RBM33: variants seen among roughly 807,000 people sequenced by gnomAD.
The protein encoded by RBM33 is RNA-binding protein 33.
A neutral mutation model predicts 132.6 loss-of-function variants in RBM33; 28 were observed. The ratio of observed to expected loss-of-function variants is 0.21; its 90% CI spans 0.16 to 0.29. RBM33 has a LOEUF of 0.29. Among genes scored for constraint, RBM33 ranks in the 10% least tolerant of loss-of-function variants. The probability of loss-of-function intolerance (pLI) is 1.00; values close to 1 mark genes in which losing one functional copy is unlikely to be tolerated. For missense variants in RBM33, 1,291 were observed against 1,518.5 expected (o/e 0.85, Z 2.49); for synonymous variants, 634 against 593.0 (o/e 1.07, Z -1.01).
intron 14 of RBM33, among the ~76,000 whole-genome samples, chr7:155,756,056 C>A (rs1045055248): frequency 6.6e-6 from 1 of 152,136 alleles, no homozygotes; most frequent in Admixed American, 6.5e-5. Context: ...CTGTCTGAAC[C>A]TAGTGTTGTT....
intron 2 of RBM33, among the ~76,000 whole-genome samples, 168 bp downstream of exon 2, chr7:155,665,421 G>A (rs1798775424): frequency 6.6e-6 from 1 of 152,212 alleles, no homozygotes; most frequent in South Asian, 2.1e-4. Flanking sequence ...GCAGAAGGCT[G>A]AGGTGTGCTC....
At chr7:155,717,770 C>T (rs2362378) in intron 8 of RBM33, among the ~76,000 whole-genome samples, 42,366 of 152,064 alleles carry the variant, frequency 0.28, 6,953 homozygotes, top group African/African-American at 0.46. Context: ...TTATGAGATA[C>T]CTTTTTAAAA....
At chr7:155,704,004 G>A (rs1800041192) in intron 6 of RBM33, among the ~76,000 whole-genome samples, 1 of 152,200 alleles carries the variant, frequency 6.6e-6, no homozygotes, top group East Asian at 1.9e-4. Flanking sequence ...TTCTTTAAGA[G>A]GGAGAATCAA....
intron 2 of RBM33, among the ~76,000 whole-genome samples, chr7:155,669,152 C>T (rs1364564144): frequency 6.6e-6 from 1 of 152,064 alleles, no homozygotes; most frequent in African/African-American, 2.4e-5. Flanking sequence ...TGCTGCATGA[C>T]ACAGAGAGAG....
At chr7:155,725,147 C>T (rs954966905) in intron 9 of RBM33, among the ~76,000 whole-genome samples, 44 of 149,308 alleles carry the variant, frequency 2.9e-4, no homozygotes, top group African/African-American at 8.9e-4. Flanking sequence ...TTTCAGTTGA[C>T]GTAGCTGCTG....
At chr7:155,758,979 A>G (rs1226867809) in intron 14 of RBM33, among the ~76,000 whole-genome samples, 1 of 152,182 alleles carries the variant, frequency 6.6e-6, no homozygotes, top group Non-Finnish European at 1.5e-5. Flanking sequence ...AGGAAGGCCC[A>G]CCCGGCCCCA....
intron 1 of RBM33, among the ~76,000 whole-genome samples, chr7:155,657,346 G>T (rs1351382143): frequency 6.6e-6 from 1 of 152,122 alleles, no homozygotes; most frequent in Non-Finnish European, 1.5e-5. Flanking sequence ...CTGTCCATCA[G>T]AATTAGTGGG....
intron 3 of RBM33, among the ~76,000 whole-genome samples, chr7:155,673,771 CACACA>C (rs1799067989): frequency 1.4e-5 from 2 of 141,662 alleles, no homozygotes; most frequent in African/African-American, 5.5e-5. Context: ...CATGCGCGCA[CACACA>C]CACACACACA....
chr7:155,682,241 A>AT (rs1359359264), intron 5 of RBM33, among the ~76,000 whole-genome samples: 2 of 151,756 alleles, frequency 1.3e-5, no homozygotes, highest in African/African-American at 2.4e-5. Context: ...TTAAGATTTA[A>AT]TTTTTTTTGG....
At chr7:155,646,663 G>GT (rs1563125050) in intron 1 of RBM33, among the ~76,000 whole-genome samples, 1 of 152,230 alleles carries the variant, frequency 6.6e-6, no homozygotes, top group Non-Finnish European at 1.5e-5. Flanking sequence ...AGAATTCATT[G>GT]TATCTGAGGA....
Position 155,644,788 on chromosome 7 carries a change from T to C in RBM33, c.-89T>C. The C allele has an allele frequency of 8.5e-7, 1 of 1,170,200 alleles. No homozygotes were observed. The highest frequency in any genetic ancestry group is 1.1e-6 in the Non-Finnish European group (1 of 875,782). The allele number at this position is 1,170,200 out of a possible 1,614,324, so 72.5% of individuals were successfully genotyped here. ...CTGCAGCCCCCTCCCTTCTCTGTCC[T>C]CCGTCACCCGTACCCGGGCCCGGAC... On this transcript the variant is annotated 5_prime_UTR_variant, in exon 1 of 18. Transcript: ENST00000401878.
At chr7:155,735,379 G>A (rs1170436180) in intron 9 of RBM33, among the ~76,000 whole-genome samples, 4 of 152,178 alleles carry the variant, frequency 2.6e-5, no homozygotes, top group Admixed American at 2.6e-4. Flanking sequence ...AATTTTTCTA[G>A]CATATTATTA....
intron 9 of RBM33, among the ~76,000 whole-genome samples, chr7:155,735,935 A>G (rs1167365701): frequency 6.6e-6 from 1 of 152,176 alleles, no homozygotes; most frequent in Non-Finnish European, 1.5e-5. Flanking sequence ...ATGTCAGGCA[A>G]TAGTATGCTG....
intron 9 of RBM33, among the ~76,000 whole-genome samples, chr7:155,734,334 C>G (rs1467371023): frequency 6.6e-6 from 1 of 152,200 alleles, no homozygotes; most frequent in African/African-American, 2.4e-5. Flanking sequence ...CAAACTCTTA[C>G]CTAGGTGGTT....
In RBM33 at chr7:155,676,893, C is replaced by T. The variant is rs183009900; in HGVS notation, c.172-1715C>T. ...ATCCTCAAAGGAGATTTGACTCCCA[C>T]GAGGGCTCACCCACCACAGTACACA... On this transcript the variant is annotated intron_variant, in intron 3 of 17. Coordinates refer to ENST00000401878, the MANE Select transcript of RBM33 (RefSeq NM_053043.3). Among the ~76,000 whole-genome samples the T allele has an allele frequency of 1.2e-4, 18 of 152,314 alleles. No individual in the cohort carries two copies. The East Asian group carries it at 2.5e-3, about 21-fold the overall frequency.
intron 5 of RBM33, among the ~76,000 whole-genome samples, chr7:155,685,505 A>C (rs577454596): frequency 5.3e-5 from 8 of 152,152 alleles, no homozygotes; most frequent in Non-Finnish European, 1.0e-4. Context: ...AAGACCTGTA[A>C]ATACCTGTGA....
intron 7 of RBM33, among the ~76,000 whole-genome samples, chr7:155,709,003 C>T (rs1048797222): frequency 2.0e-5 from 3 of 152,030 alleles, no homozygotes; most frequent in East Asian, 3.9e-4. Flanking sequence ...CACCTGACCC[C>T]TTGTCCTGTT....
chr7:155,697,319 G>A (rs1355621332), intron 5 of RBM33, among the ~76,000 whole-genome samples: 1 of 152,014 alleles, frequency 6.6e-6, no homozygotes. Flanking sequence ...TTTTATATTT[G>A]GTGAGATTCC....
intron 14 of RBM33, among the ~76,000 whole-genome samples, chr7:155,753,985 A>G (rs1020332296): frequency 1.3e-5 from 2 of 152,202 alleles, no homozygotes; most frequent in African/African-American, 4.8e-5. Flanking sequence ...GTGCATGAAT[A>G]CTTGTTTTTA....
Sources: gnomAD v4.1 joint callset for allele counts (sites outside exome capture counted in the v4.1 genomes callset) on GRCh38, gnomAD v4.1.1 for gene constraint, MANE v1.5 for transcripts, NCBI Gene and HGNC (gene_info 2026-07-23, HGNC 2026-07-21) for gene names.